KAT2B: variants seen among roughly 807,000 people sequenced by gnomAD.
KAT2B encodes histone acetyltransferase KAT2B.
KAT2B carries 36 observed loss-of-function variants against 105.9 expected under a neutral mutation model. That is an observed-to-expected ratio of 0.34 (90% confidence interval 0.26 to 0.45). The LOEUF (loss-of-function observed/expected upper bound fraction) is 0.45. Ranked by LOEUF, KAT2B falls within the 20% of genes least tolerant of loss-of-function variation. The pLI, the probability that KAT2B is intolerant of heterozygous loss-of-function variation, is 1.00. For synonymous variants in KAT2B, 397 were observed against 377.9 expected, an observed-to-expected ratio of 1.05 and a Z score of -0.59; for missense variants, 820 against 1,021.6, an observed-to-expected ratio of 0.80 and a Z score of 2.69.
chr3:20,067,931 T>TCC (rs1201820438), intron 1 of KAT2B, among the ~76,000 whole-genome samples: 1 of 151,830 alleles, frequency 6.6e-6, no homozygotes, highest in Non-Finnish European at 1.5e-5. Context: ...TGCCTTAACC[T>TCC]CCCAAAGTTC....
chr3:20,126,518 TAA>T (rs34431414), intron 10 of KAT2B, among the ~76,000 whole-genome samples: 1 of 141,696 alleles, frequency 7.1e-6, no homozygotes, highest in Non-Finnish European at 1.5e-5. Context: ...ATCCATTGCT[TAA>T]AAAAAAAAAA....
chr3:20,057,971 T>C (rs1243922702), intron 1 of KAT2B, among the ~76,000 whole-genome samples: 1 of 152,204 alleles, frequency 6.6e-6, no homozygotes, highest in East Asian at 1.9e-4. Flanking sequence ...TTTCTGTTGA[T>C]TTGATTTTGG....
intron 14 of KAT2B, 197 bp downstream of exon 14, chr3:20,146,627 A>G: frequency 4.6e-6 from 2 of 433,756 alleles, no homozygotes; most frequent in East Asian, 7.2e-5. Context: ...AACCAAAGGG[A>G]GCTTAGATGC....
At chr3:20,108,179 G>A (rs1477780887) in intron 5 of KAT2B, among the ~76,000 whole-genome samples, 1 of 152,126 alleles carries the variant, frequency 6.6e-6, no homozygotes, top group Non-Finnish European at 1.5e-5. Flanking sequence ...ACTAAATGGA[G>A]TCCTACTAGA....
chr3:20,073,426 AG>A, intron 2 of KAT2B, among the ~76,000 whole-genome samples: 1 of 152,204 alleles, frequency 6.6e-6, no homozygotes, highest in Non-Finnish European at 1.5e-5. Context: ...CTCCAAGGTT[AG>A]CATGGTGTTA....
At chr3:20,102,095 T>G (rs1698920891) in intron 5 of KAT2B, among the ~76,000 whole-genome samples, 1 of 152,124 alleles carries the variant, frequency 6.6e-6, no homozygotes, top group Non-Finnish European at 1.5e-5. Flanking sequence ...AGTGGGTAGA[T>G]CACTTGGGTC....
chr3:20,054,576 C>A (rs1697973301), intron 1 of KAT2B, among the ~76,000 whole-genome samples: 1 of 152,198 alleles, frequency 6.6e-6, no homozygotes. Flanking sequence ...CCATGCCATC[C>A]TAATCAGTCC....
chr3:20,125,831 G>A, intron 9 of KAT2B, 74 bp from the exon 10 acceptor site: 1 of 1,203,426 alleles, frequency 8.3e-7, no homozygotes, highest in Non-Finnish European at 1.2e-6. Context: ...AAGATGAGAA[G>A]CTTGGATGTG....
rs1402421667 is a variant in KAT2B at position 20,114,909 on chromosome 3, A to G, written c.1071A>G (p.Val357=). Residue 357 remains valine, a synonymous_variant, in exon 7 of 18, where the codon GTA becomes GTG. Coordinates refer to ENST00000263754, the MANE Select transcript of KAT2B (RefSeq NM_003884.5). The part of the protein sequence containing the change: ...PKFLSMLEEE[V]YSQNSPIWDQ... ...TTCTGTCCATGCTAGAAGAAGAAGT[A>G]TATAGTCAAAACTCTCCCATCTGGG... 2.5e-6 allele frequency: 4 copies of G among 1,609,462 alleles called. No individual in the cohort carries two copies. The highest frequency in any genetic ancestry group is 2.2e-5 in the South Asian group (2 of 90,948).
At chr3:20,073,196 G>A (rs187787349) in intron 2 of KAT2B, among the ~76,000 whole-genome samples, 16 of 152,210 alleles carry the variant, frequency 1.1e-4, no homozygotes, top group African/African-American at 3.9e-4. Flanking sequence ...TTCAGTCCAC[G>A]AAGAATCTTA....
At chr3:20,106,985 A>G (rs1282980778) in intron 5 of KAT2B, among the ~76,000 whole-genome samples, 38 of 7,696 alleles carry the variant, frequency 4.9e-3, no homozygotes, top group South Asian at 0.022. Flanking sequence ...ATATGTATAT[A>G]TATATATATA....
intron 14 of KAT2B, 101 bp from the exon 15 acceptor site, chr3:20,147,862 A>G: frequency 2.8e-6 from 3 of 1,081,784 alleles, no homozygotes; most frequent in Non-Finnish European, 4.1e-6. Context: ...GTAGACTTTT[A>G]TTGTCATGCC....
intron 1 of KAT2B, among the ~76,000 whole-genome samples, chr3:20,055,424 C>T (rs924581613): frequency 6.6e-6 from 1 of 152,072 alleles, no homozygotes; most frequent in Non-Finnish European, 1.5e-5. Flanking sequence ...GTAAGTGCCT[C>T]GCAGAGAATG....
chr3:20,082,852 A>C (rs1013106108), intron 2 of KAT2B, among the ~76,000 whole-genome samples: 1 of 152,130 alleles, frequency 6.6e-6, no homozygotes, highest in Non-Finnish European at 1.5e-5. Context: ...GGTTTATTCA[A>C]GGTGGTAAGA....
intron 1 of KAT2B, among the ~76,000 whole-genome samples, chr3:20,061,632 C>T (rs182239640): frequency 1.3e-5 from 2 of 151,670 alleles, no homozygotes; most frequent in African/African-American, 2.4e-5. Context: ...ACATCCTCTC[C>T]AACACTGTTT....
Position 20,099,911 on chromosome 3 carries a change from C to T in KAT2B, c.626C>T (p.Ser209Phe). 1.2e-6 allele frequency: 2 copies of T among 1,609,140 alleles called. No individual in the cohort carries two copies. Among genetic ancestry groups the T allele is most frequent in the Non-Finnish European group, 1.7e-6 (2 of 1,176,038 alleles). The change falls in exon 4 of 18, where the codon TCT (serine) becomes TTT (phenylalanine). Residue 209 changes from serine to phenylalanine, a missense_variant. This residue lies in a region of KAT2B where 173 missense variants were observed against 249.5 expected (regional missense o/e 0.69). Coordinates refer to ENST00000263754, the MANE Select transcript of KAT2B (RefSeq NM_003884.5). ...AGAGGAAAACCTGTGGTTGAAGGCTCTTTGGAAAAGAAACCCCCATTTGAA... is the reference window on the plus strand; with the variant it reads ...AGAGGAAAACCTGTGGTTGAAGGCTTTTTGGAAAAGAAACCCCCATTTGAA... ...LQRGKPVVEG[S>F]LEKKPPFEKP... is the part of the protein sequence containing the mutation.
At chr3:20,062,183 TATATAAA>T (rs1559514247) in intron 1 of KAT2B, among the ~76,000 whole-genome samples, 1 of 42,134 alleles carries the variant, frequency 2.4e-5, no homozygotes, top group African/African-American at 8.5e-5. Flanking sequence ...TAATATATAA[TATATAAA>T]ATATATATAT....
At chr3:20,111,212 A>G (rs187960754) in intron 5 of KAT2B, among the ~76,000 whole-genome samples, 1 of 152,332 alleles carries the variant, frequency 6.6e-6, no homozygotes. Context: ...TAATGCTCAC[A>G]AGAACCCAAT....
chr3:20,094,907 CT>C (rs1241306201), intron 2 of KAT2B, among the ~76,000 whole-genome samples: 1 of 152,180 alleles, frequency 6.6e-6, no homozygotes, highest in Non-Finnish European at 1.5e-5. Context: ...AGAGAACCCT[CT>C]TGACATGGTG....
Sources: allele counts gnomAD v4.1 joint callset (sites outside exome capture counted in the v4.1 genomes callset), GRCh38; gene constraint gnomAD v4.1.1; regional missense constraint gnomAD v4.1.1; transcripts MANE v1.5; gene names NCBI Gene and HGNC (gene_info 2026-07-23, HGNC 2026-07-21).